Variants in RNF13 observed in about 807,000 individuals in gnomAD.
The protein encoded by RNF13 is E3 ubiquitin-protein ligase RNF13.
RNF13 carries 19 observed loss-of-function variants against 37.7 expected under a neutral mutation model. The observed-to-expected ratio is 0.50, with a 90% confidence interval of 0.35 to 0.74. The LOEUF (loss-of-function observed/expected upper bound fraction) is 0.74. RNF13 is among the 30% of genes least tolerant of loss of function. The pLI, the probability that RNF13 is intolerant of heterozygous loss-of-function variation, is 0.01. For synonymous variants in RNF13, 144 were observed against 157.8 expected (o/e 0.91, Z 0.65); for missense variants, 375 against 453.0 (o/e 0.83, Z 1.56).
chr3:149,869,686 G>A (rs999056594), intron 3 of RNF13, among the ~76,000 whole-genome samples: 1 of 151,822 alleles, frequency 6.6e-6, no homozygotes, highest in Non-Finnish European at 1.5e-5. Context: ...GGGGATCATG[G>A]TTCCCTGCTT....
intron 8 of RNF13, among the ~76,000 whole-genome samples, chr3:149,959,537 A>T (rs1722181613): frequency 6.6e-6 from 1 of 152,218 alleles, no homozygotes; most frequent in Admixed American, 6.5e-5. Context: ...AAGGTAAGTT[A>T]ATCTTTTTAC....
intron 2 of RNF13, among the ~76,000 whole-genome samples, chr3:149,849,640 A>T (rs778733184): frequency 4.5e-4 from 68 of 152,194 alleles, no homozygotes; most frequent in Admixed American, 1.0e-3. Flanking sequence ...CCTCGGTTAG[A>T]ATCCTGGTTC....
intron 1 of RNF13, among the ~76,000 whole-genome samples, chr3:149,842,663 C>T (rs577205286): frequency 9.5e-4 from 145 of 152,198 alleles, no homozygotes; most frequent in African/African-American, 3.5e-3. Context: ...ATATTTATTG[C>T]AGTGTTTTTC....
At chr3:149,875,591 G>A (rs73870463) in intron 4 of RNF13, among the ~76,000 whole-genome samples, 1 of 152,278 alleles carries the variant, frequency 6.6e-6, no homozygotes, top group African/African-American at 2.4e-5. Context: ...AAAGGGAATT[G>A]CTTTCCAAAT....
rs1023238298 is a variant in RNF13 at position 149,858,809 on chromosome 3, A to G, written c.195+6213A>G. 5.3e-5 allele frequency among the ~76,000 whole-genome samples: 8 copies of G among 152,334 alleles called. 1 individual carries two copies. Among genetic ancestry groups the G allele is most frequent in the Admixed American group, 5.2e-4 (8 of 15,302 alleles). On this transcript the variant is annotated intron_variant, in intron 3 of 9. Transcript: ENST00000392894. ...TCATTATTCATTAAATTAGTGCCTTATATCATCACCAGTTAATTTTCCACA... is the reference window on the plus strand; with the variant it reads ...TCATTATTCATTAAATTAGTGCCTTGTATCATCACCAGTTAATTTTCCACA...
intron 6 of RNF13, among the ~76,000 whole-genome samples, chr3:149,909,881 T>C (rs577891751): frequency 3.2e-4 from 49 of 151,900 alleles, no homozygotes; most frequent in Middle Eastern, 3.4e-3. Flanking sequence ...GGGGCTTGTC[T>C]CATAGGACAG....
At chr3:149,929,584 G>A (rs1718973031) in intron 8 of RNF13, among the ~76,000 whole-genome samples, 1 of 152,150 alleles carries the variant, frequency 6.6e-6, no homozygotes, top group Non-Finnish European at 1.5e-5. Context: ...TTGAATAATA[G>A]TGGTGAAAGT....
chr3:149,863,845 T>TAA (rs1396619493), intron 3 of RNF13, among the ~76,000 whole-genome samples: 1 of 152,194 alleles, frequency 6.6e-6, no homozygotes, highest in Non-Finnish European at 1.5e-5. Flanking sequence ...TGTCAAATAC[T>TAA]ATAGAATATG....
At position 149,831,117 on chromosome 3, in the gene RNF13, G is replaced by T. The variant is rs142122179; in HGVS notation, c.-16-14894G>T. 7.9e-5 allele frequency among the ~76,000 whole-genome samples: 12 copies of T among 152,372 alleles called. No homozygotes were observed. In the East Asian group the frequency reaches 1.2e-3, roughly 15 times the overall value. ...GTTTGCTGCGGGGGTGAAGCCCTCA[G>T]GGAGAACCTTTGCTAGGGCAGTGTG... is the stretch of plus-strand genomic sequence containing the variant. On this transcript the variant is annotated intron_variant, in intron 1 of 9. Transcript: ENST00000392894.
rs1037976668 is a variant in RNF13, at chr3:149,939,557, T to C, written c.700+18330T>C. On this transcript the variant is annotated intron_variant, in intron 8 of 9. Coordinates refer to ENST00000392894, the MANE Select transcript of RNF13 (RefSeq NM_183381.3). ...CCAGAAACCATTGGCTGTACAGACA[T>C]TTTCAAAGTTGCCAGTGTTACTTTA... 1.2e-5 allele frequency: 7 copies of C among 593,132 alleles called. No individual in the cohort carries two copies. The African/African-American group carries it at 1.3e-4, about 11-fold the overall frequency. 36.7% of individuals were successfully genotyped at this position (593,132 alleles called of 1,614,324 possible). A position where few individuals can be genotyped will look rare whatever the true frequency, so the allele number is the denominator to read the frequency against.
At chr3:149,858,924 A>G (rs900853825) in intron 3 of RNF13, among the ~76,000 whole-genome samples, 1 of 152,206 alleles carries the variant, frequency 6.6e-6, no homozygotes, top group African/African-American at 2.4e-5. Context: ...AAGTCTTGAG[A>G]TTAGAAGAGA....
At chr3:149,837,543 G>A (rs1329213675) in intron 1 of RNF13, among the ~76,000 whole-genome samples, 1 of 152,162 alleles carries the variant, frequency 6.6e-6, no homozygotes. Flanking sequence ...CATGGCAGAG[G>A]GTGAAAGGCA....
chr3:149,921,929 G>A (rs141549043), intron 8 of RNF13, among the ~76,000 whole-genome samples: 105 of 152,094 alleles, frequency 6.9e-4, no homozygotes, highest in African/African-American at 2.5e-3. Flanking sequence ...GTGTAAAAGT[G>A]TTCCTATTTC....
rs527736897 is a variant in RNF13 at position 149,922,842 on chromosome 3, C to T, written c.700+1615C>T. Among the ~76,000 whole-genome samples the T allele has an allele frequency of 1.8e-3, 278 of 152,148 alleles. 1 individual carries two copies. Among genetic ancestry groups the T allele is most frequent in the African/African-American group, 6.1e-3 (254 of 41,486 alleles). On this transcript the variant is annotated intron_variant, in intron 8 of 9. Coordinates refer to ENST00000392894, the MANE Select transcript of RNF13 (RefSeq NM_183381.3). The stretch of plus-strand genomic sequence containing the variant: ...AATACCATAGCCAATGTAAGTTTCC[C>T]CTATAGTATAGTTTCTCTGTGATTT...
At chr3:149,875,545 G>A (rs914012865) in intron 4 of RNF13, among the ~76,000 whole-genome samples, 2 of 152,116 alleles carry the variant, frequency 1.3e-5, no homozygotes, top group South Asian at 2.1e-4. Flanking sequence ...AGATAGCCAC[G>A]AAGGCAGCAG....
At chr3:149,921,738 T>A (rs1259808421) in intron 8 of RNF13, among the ~76,000 whole-genome samples, 2 of 152,164 alleles carry the variant, frequency 1.3e-5, no homozygotes, top group Non-Finnish European at 2.9e-5. Flanking sequence ...TCTTTGCTAT[T>A]GTGAATAGTG....
intron 3 of RNF13, among the ~76,000 whole-genome samples, chr3:149,855,449 T>G (rs1723551473): frequency 1.3e-5 from 2 of 151,820 alleles, no homozygotes; most frequent in Admixed American, 1.3e-4. Context: ...TTCTGTAATA[T>G]GAATGATCAT....
At chr3:149,829,755 A>T (rs1406742498) in intron 1 of RNF13, among the ~76,000 whole-genome samples, 1 of 152,170 alleles carries the variant, frequency 6.6e-6, no homozygotes, top group Non-Finnish European at 1.5e-5. Context: ...AACTATGGAG[A>T]TTTAAATATA....
chr3:149,853,668 TTTTG>T (rs1327208193), intron 3 of RNF13, among the ~76,000 whole-genome samples: 3 of 128,452 alleles, frequency 2.3e-5, no homozygotes, highest in Non-Finnish European at 5.0e-5. Flanking sequence ...ATTTCAAAAG[TTTTG>T]TTTAAGTAGT....
Sources: gnomAD v4.1 joint callset for allele counts (sites outside exome capture counted in the v4.1 genomes callset) on GRCh38, gnomAD v4.1.1 for gene constraint, MANE v1.5 for transcripts, NCBI Gene and HGNC (gene_info 2026-07-23, HGNC 2026-07-21) for gene names.